HS3ST4: variants seen among roughly 807,000 people sequenced by gnomAD.
HS3ST4 encodes heparan sulfate-glucosamine 3-sulfotransferase 4, also known as heparan sulfate glucosamine 3-O-sulfotransferase 4.
In HS3ST4, 17 loss-of-function variants were observed where a neutral mutation model predicts 29.2. That is an observed-to-expected ratio of 0.58 (90% CI 0.40 to 0.87). The LOEUF (loss-of-function observed/expected upper bound fraction) is 0.87, where lower values mean the gene tolerates loss of function less well. Among genes scored for constraint, HS3ST4 ranks in the 40% least tolerant of loss-of-function variants. The pLI is 0.00. For missense variants in HS3ST4, 627 were observed against 634.5 expected, an observed-to-expected ratio of 0.99 and a Z score of 0.13; for synonymous variants, 314 against 285.7, an observed-to-expected ratio of 1.10 and a Z score of -1.00.
intron 1 of HS3ST4, among the ~76,000 whole-genome samples, chr16:26,047,301 A>G (rs1381953860): frequency 6.6e-6 from 1 of 152,222 alleles, no homozygotes; most frequent in Non-Finnish European, 1.5e-5. Flanking sequence ...ATTTTTCTGC[A>G]TCAAGGACTC....
At chr16:25,697,117 A>T (rs1966303577) in intron 1 of HS3ST4, among the ~76,000 whole-genome samples, 1 of 152,216 alleles carries the variant, frequency 6.6e-6, no homozygotes, top group Non-Finnish European at 1.5e-5. Flanking sequence ...TCATTCATTC[A>T]ATTATTTAAA....
intron 1 of HS3ST4, among the ~76,000 whole-genome samples, chr16:25,864,730 T>A (rs1967675587): frequency 6.6e-6 from 1 of 152,138 alleles, no homozygotes; most frequent in African/African-American, 2.4e-5. Flanking sequence ...TCCTTCTTGT[T>A]TGTGGCTGAA....
At chr16:26,048,109 A>T (rs1301344869) in intron 1 of HS3ST4, among the ~76,000 whole-genome samples, 1 of 152,072 alleles carries the variant, frequency 6.6e-6, no homozygotes, top group African/African-American at 2.4e-5. Flanking sequence ...GTGTCTTTCC[A>T]TCCTCTTCCC....
chr16:25,941,514 C>A (rs1040051445), intron 1 of HS3ST4, among the ~76,000 whole-genome samples: 46 of 151,448 alleles, frequency 3.0e-4, no homozygotes, highest in African/African-American at 1.1e-3. Context: ...TATTTGTGAA[C>A]TTCTTTATTT....
chr16:25,712,576 C>A (rs2141585550), intron 1 of HS3ST4, among the ~76,000 whole-genome samples: 1 of 151,806 alleles, frequency 6.6e-6, no homozygotes, highest in South Asian at 2.1e-4. Flanking sequence ...AGAACGTCAA[C>A]AATGACAACA....
intron 1 of HS3ST4, among the ~76,000 whole-genome samples, chr16:25,873,611 C>G (rs1479600062): frequency 6.9e-6 from 1 of 144,652 alleles, no homozygotes; most frequent in South Asian, 2.3e-4. Flanking sequence ...CATCCATCCA[C>G]CCATCAATCT....
intron 1 of HS3ST4, among the ~76,000 whole-genome samples, chr16:25,727,769 A>C (rs1310080108): frequency 6.6e-6 from 1 of 152,170 alleles, no homozygotes; most frequent in African/African-American, 2.4e-5. Flanking sequence ...ACACCTCATG[A>C]CTAGAATTAT....
At chr16:25,986,635 A>G (rs931457276) in intron 1 of HS3ST4, among the ~76,000 whole-genome samples, 2 of 152,240 alleles carry the variant, frequency 1.3e-5, no homozygotes, top group African/African-American at 4.8e-5. Context: ...ACTGATGCTT[A>G]TGAATAAAAT....
At chr16:26,130,742 G>A (rs540318444) in intron 1 of HS3ST4, among the ~76,000 whole-genome samples, 2 of 152,308 alleles carry the variant, frequency 1.3e-5, no homozygotes, top group East Asian at 3.9e-4. Context: ...AGCATAGGCA[G>A]AGGACAGTCG....
intron 1 of HS3ST4, among the ~76,000 whole-genome samples, chr16:25,770,433 G>C (rs1352352710): frequency 6.6e-6 from 1 of 152,102 alleles, no homozygotes; most frequent in Non-Finnish European, 1.5e-5. Context: ...ATCACCTCTA[G>C]CTTATAGATC....
intron 1 of HS3ST4, among the ~76,000 whole-genome samples, chr16:25,771,873 A>G (rs1336790778): frequency 6.6e-6 from 1 of 152,174 alleles, no homozygotes; most frequent in African/African-American, 2.4e-5. Context: ...TAGGAGCTCA[A>G]TGCATTTTTA....
chr16:26,013,156 C>T (rs1969326859), intron 1 of HS3ST4, among the ~76,000 whole-genome samples: 3 of 152,028 alleles, frequency 2.0e-5, no homozygotes, highest in Admixed American at 1.3e-4. Context: ...GAGCAAGACT[C>T]TGTCAAAAAT....
chr16:26,044,102 G>A (rs941804128), intron 1 of HS3ST4, among the ~76,000 whole-genome samples: 1 of 152,216 alleles, frequency 6.6e-6, no homozygotes, highest in African/African-American at 2.4e-5. Flanking sequence ...AGGCTGTCTG[G>A]TCTCAGAATT....
Position 26,135,673 on chromosome 16 carries a change from G to GTCTCATT in HS3ST4, c.797_798insCTCATTT (p.Thr267SerfsTer5). On this transcript the variant is annotated frameshift_variant, in exon 2 of 2. Transcript: ENST00000331351. LOFTEE classifies it high-confidence loss of function. ...CATGGAGAAGACTCCAAGTTACTTTGTGACAAATGAGGCTCCCAAGCGCAT... is the reference window on the plus strand; with the variant it reads ...CATGGAGAAGACTCCAAGTTACTTTGTCTCATTTGACAAATGAGGCTCCCAAGCGCAT... 6.2e-7 allele frequency: 1 copy of GTCTCATT among 1,613,754 alleles called. No homozygotes were observed. The highest frequency in any genetic ancestry group is 8.5e-7 in the Non-Finnish European group (1 of 1,179,816).
At chr16:25,902,810 G>A (rs956016646) in intron 1 of HS3ST4, among the ~76,000 whole-genome samples, 19 of 151,910 alleles carry the variant, frequency 1.3e-4, no homozygotes, top group African/African-American at 4.4e-4. Flanking sequence ...ACAACGTCTG[G>A]CGGATGCCTG....
At chr16:25,993,161 C>T (rs893461008) in intron 1 of HS3ST4, among the ~76,000 whole-genome samples, 9 of 152,134 alleles carry the variant, frequency 5.9e-5, no homozygotes, top group African/African-American at 1.7e-4. Flanking sequence ...GTCATCTGCT[C>T]ACCCAGGATT....
chr16:26,127,052 A>C (rs1899353572), intron 1 of HS3ST4, among the ~76,000 whole-genome samples: 1 of 152,042 alleles, frequency 6.6e-6, no homozygotes, highest in African/African-American at 2.4e-5. Flanking sequence ...GGTGGTGATG[A>C]GTCCTCTGTC....
In HS3ST4 at chr16:26,032,688, T is replaced by C. The variant is rs555687546; in HGVS notation, c.735-102924T>C. 7.2e-5 allele frequency: 94 copies of C among 1,313,090 alleles called. No homozygotes were observed. In the South Asian group the frequency reaches 8.3e-4, roughly 12 times the overall value. The allele number at this position is 1,313,090 out of a possible 1,614,324, so 81.3% of individuals were successfully genotyped here. A position where few individuals can be genotyped will look rare whatever the true frequency, so the allele number is the denominator to read the frequency against. On this transcript the variant is annotated intron_variant, in intron 1 of 1. Coordinates refer to ENST00000331351, the MANE Select transcript of HS3ST4 (RefSeq NM_006040.3). Reference sequence around the variant, plus strand: ...TCTCCCTTCTTTGCAGGGGCCTTTTTAGTCTTGGGCTCTGGCTTTGGAGGA... The same window carrying C: ...TCTCCCTTCTTTGCAGGGGCCTTTTCAGTCTTGGGCTCTGGCTTTGGAGGA...
intron 1 of HS3ST4, among the ~76,000 whole-genome samples, chr16:25,770,839 A>G (rs1966840954): frequency 6.6e-6 from 1 of 152,216 alleles, no homozygotes. Context: ...ATATCATACT[A>G]TTAATCATAA....
Sources: allele counts gnomAD v4.1 joint callset (sites outside exome capture counted in the v4.1 genomes callset), GRCh38; gene constraint gnomAD v4.1.1; transcripts MANE v1.5; gene names NCBI Gene and HGNC (gene_info 2026-07-23, HGNC 2026-07-21).